NEO1: variants seen among roughly 807,000 people sequenced by gnomAD.
The protein encoded by NEO1 is neogenin 1.
NEO1 carries 63 observed loss-of-function variants against 159.7 expected under a neutral mutation model. That is an observed-to-expected ratio of 0.39 (90% confidence interval 0.32 to 0.49). The LOEUF is 0.49. NEO1 is among the 20% of genes least tolerant of loss of function. The probability of loss-of-function intolerance (pLI) is 0.85; values close to 1 mark genes in which losing one functional copy is unlikely to be tolerated. For missense variants in NEO1, 1,615 were observed against 1,831.0 expected, an observed-to-expected ratio of 0.88 and a Z score of 2.15; for synonymous variants, 633 against 662.0, an observed-to-expected ratio of 0.96 and a Z score of 0.67.
intron 1 of NEO1, among the ~76,000 whole-genome samples, chr15:73,086,983 T>C (rs2069404028): frequency 6.6e-6 from 1 of 152,146 alleles, no homozygotes; most frequent in Non-Finnish European, 1.5e-5. Flanking sequence ...TTCCTTTTCA[T>C]TTGTATGTCT....
chr15:73,303,415 A>G lies in NEO1; in HGVS notation c.*719A>G, dbSNP rs918783088. The G allele has an allele frequency of 1.4e-5, 2 of 139,154 alleles. No homozygotes were observed. Among genetic ancestry groups the G allele is most frequent in the African/African-American group, 5.5e-5 (2 of 36,650 alleles). 8.6% of individuals were successfully genotyped at this position (139,154 alleles called of 1,614,324 possible). A position where few individuals can be genotyped will look rare whatever the true frequency, so the allele number is the denominator to read the frequency against. Reference sequence around the variant, plus strand: ...CTCATCACTGTGAGATTACAGATCTATTTGAATTGAATGAAATGTAACATT... The same window carrying G: ...CTCATCACTGTGAGATTACAGATCTGTTTGAATTGAATGAAATGTAACATT... On this transcript the variant is annotated 3_prime_UTR_variant, in exon 29 of 29. Coordinates refer to ENST00000261908, the MANE Select transcript of NEO1 (RefSeq NM_002499.4).
chr15:73,136,707 G>A (rs562153441), intron 5 of NEO1, among the ~76,000 whole-genome samples: 25 of 151,960 alleles, frequency 1.6e-4, no homozygotes, highest in African/African-American at 5.8e-4. Context: ...TGATTCAGAC[G>A]TCAGAAAATA....
At chr15:73,243,272 G>A (rs1187615246) in intron 8 of NEO1, among the ~76,000 whole-genome samples, 1 of 152,086 alleles carries the variant, frequency 6.6e-6, no homozygotes, top group Admixed American at 6.5e-5. Flanking sequence ...CAGTGCAAAT[G>A]CTCACAATCA....
At chr15:73,097,355 C>CTT (rs1285831891) in intron 1 of NEO1, among the ~76,000 whole-genome samples, 4 of 103,566 alleles carry the variant, frequency 3.9e-5, no homozygotes, top group South Asian at 6.5e-4. Context: ...CAGTCAGAGC[C>CTT]TCTTTTTTTT....
intron 1 of NEO1, among the ~76,000 whole-genome samples, chr15:73,075,733 C>A (rs2068739236): frequency 6.6e-6 from 1 of 152,064 alleles, no homozygotes; most frequent in Non-Finnish European, 1.5e-5. Flanking sequence ...ATCAGTTGAG[C>A]CAAATAGTGC....
chr15:73,283,497 G>C (rs2041814572), intron 23 of NEO1, among the ~76,000 whole-genome samples: 1 of 152,184 alleles, frequency 6.6e-6, no homozygotes, highest in African/African-American at 2.4e-5. Flanking sequence ...GTGGGTGCTA[G>C]AGGCATGCAG....
In NEO1 at chr15:73,270,231, A is replaced by G; in HGVS notation, c.2716A>G (p.Lys906Glu). 1 of 1,614,196 alleles carries G rather than the reference A, an allele frequency of 6.2e-7. No individual in the cohort carries two copies. Among genetic ancestry groups the G allele is most frequent in the Non-Finnish European group, 8.5e-7 (1 of 1,180,028 alleles). ...KTNIPANTKYKNANATTLSYL... is the reference protein window; with the variant it reads ...KTNIPANTKYENANATTLSYL... ...CAACATCCCAGCAAACACCAAGTAC[A>G]AGGTACTGACACATTTGCCCTGGCT... Residue 906 changes from lysine to glutamate, a missense_variant and splice_region_variant, in exon 17 of 29, where the codon AAG (lysine) becomes GAG (glutamate). Around this residue, in one of 3 missense-constraint regions of NEO1, gnomAD observed 126 missense variants for 216.7 expected, o/e 0.58. Coordinates refer to ENST00000261908, the MANE Select transcript of NEO1 (RefSeq NM_002499.4).
intron 6 of NEO1, 32 bp from the exon 7 acceptor site, chr15:73,178,275 T>C: frequency 2.5e-6 from 4 of 1,592,454 alleles, no homozygotes; most frequent in Non-Finnish European, 3.4e-6. Flanking sequence ...TCAATTAAAT[T>C]ATGTAATTTT....
intron 7 of NEO1, among the ~76,000 whole-genome samples, chr15:73,221,248 G>A (rs537451359): frequency 3.2e-4 from 48 of 152,202 alleles, no homozygotes; most frequent in Admixed American, 2.2e-3. Context: ...GCGGTTTTTC[G>A]TGAACCACGA....
chr15:73,243,063 C>G (rs144476890), intron 8 of NEO1, among the ~76,000 whole-genome samples: 1 of 151,926 alleles, frequency 6.6e-6, no homozygotes, highest in African/African-American at 2.4e-5. Flanking sequence ...GAGATTTAGC[C>G]GAAGAGAAAA....
chr15:73,276,294 G>A (rs896888013), intron 21 of NEO1, among the ~76,000 whole-genome samples: 2 of 152,202 alleles, frequency 1.3e-5, no homozygotes, highest in African/African-American at 4.8e-5. Context: ...AAACCATCCA[G>A]TTTGTTAGCA....
At chr15:73,106,144 T>G (rs868561963) in intron 1 of NEO1, among the ~76,000 whole-genome samples, 1 of 152,186 alleles carries the variant, frequency 6.6e-6, no homozygotes, top group South Asian at 2.1e-4. Context: ...TCAGACCAGT[T>G]GTATTAGACA....
chr15:73,145,698 A>G (rs551187092), intron 5 of NEO1, among the ~76,000 whole-genome samples: 1 of 152,338 alleles, frequency 6.6e-6, no homozygotes, highest in African/African-American at 2.4e-5. Context: ...GAGAAGTATG[A>G]TTTGTGCCAC....
In NEO1 at chr15:73,068,225, C is replaced by CA. The variant is rs990029961; in HGVS notation, c.130+15420_130+15421insA. Among the ~76,000 whole-genome samples, 5 of 102,778 alleles carry CA rather than the reference C, an allele frequency of 4.9e-5. No homozygotes were observed. In the East Asian group the frequency reaches 8.1e-4, roughly 17 times the overall value. 67.4% of individuals were successfully genotyped at this position (102,778 alleles called of 152,430 possible). On this transcript the variant is annotated intron_variant, in intron 1 of 28. Coordinates refer to ENST00000261908, the MANE Select transcript of NEO1 (RefSeq NM_002499.4). The stretch of plus-strand genomic sequence containing the variant: ...TGTATTTTTGTTTTTGTCCCCCTAC[C>CA]CCCCCCCCTTTTTTTTTGAGACAGT...
rs1413759699 is a variant in NEO1 at position 73,272,548 on chromosome 15, A to G, written c.2951A>G (p.Asn984Ser). The G allele has an allele frequency of 6.2e-7, 1 of 1,610,510 alleles. No homozygotes were observed. The highest frequency in any genetic ancestry group is 1.1e-5 in the South Asian group (1 of 91,000). The part of the protein sequence containing the change: ...IVNWQPPSEA[N>S]GKITGYIIYY... ...AATTGGCAGCCTCCCTCCGAAGCCA[A>G]TGGCAAAATTACAGGTAAAATGCAA... The change falls in exon 19 of 29, where the codon AAT (asparagine) becomes AGT (serine). Residue 984 changes from asparagine (N) to serine (S), a missense_variant. Coordinates refer to ENST00000261908, the MANE Select transcript of NEO1 (RefSeq NM_002499.4).
At chr15:73,100,626 C>T (rs2070353048) in intron 1 of NEO1, among the ~76,000 whole-genome samples, 1 of 152,312 alleles carries the variant, frequency 6.6e-6, no homozygotes, top group South Asian at 2.1e-4. Flanking sequence ...TGAGCCACTG[C>T]ACCCAGCCAC....
intron 27 of NEO1, among the ~76,000 whole-genome samples, chr15:73,300,186 T>C (rs1249318961): frequency 6.6e-6 from 1 of 152,246 alleles, no homozygotes; most frequent in Non-Finnish European, 1.5e-5. Context: ...CATCAAAATG[T>C]GTAAGTATTA....
rs1555442767 is a variant in NEO1, at chr15:73,168,383, G to GT, written c.1016-8020_1016-8019insT. Among the ~76,000 whole-genome samples the GT allele has an allele frequency of 6.9e-5, 6 of 87,218 alleles. 1 individual carries two copies. The highest frequency in any genetic ancestry group is 1.6e-4 in the Admixed American group (1 of 6,226). 57.2% of individuals were successfully genotyped at this position (87,218 alleles called of 152,430 possible). The stretch of plus-strand genomic sequence containing the variant: ...ATTTTTAGTAGAGACGGGGGGTGGG[G>GT]GGGGGGGGTCTCACCATGTTGGCTA... On this transcript the variant is annotated intron_variant, in intron 5 of 28. Coordinates refer to ENST00000261908, the MANE Select transcript of NEO1 (RefSeq NM_002499.4).
At chr15:73,095,233 T>G (rs1210670481) in intron 1 of NEO1, among the ~76,000 whole-genome samples, 1 of 151,440 alleles carries the variant, frequency 6.6e-6, no homozygotes, top group Non-Finnish European at 1.5e-5. Flanking sequence ...ACTTAACAGC[T>G]AATGGTCAGT....
Sources: allele counts gnomAD v4.1 joint callset (sites outside exome capture counted in the v4.1 genomes callset), GRCh38; gene constraint gnomAD v4.1.1; regional missense constraint gnomAD v4.1.1; transcripts MANE v1.5; gene names NCBI Gene and HGNC (gene_info 2026-07-23, HGNC 2026-07-21).